Variants in MAP2K5 observed in about 807,000 individuals in gnomAD.
MAP2K5 encodes the protein dual specificity mitogen-activated protein kinase kinase 5.
In MAP2K5, 49 loss-of-function variants were observed where a neutral mutation model predicts 83.1. The observed-to-expected ratio is 0.59, with a 90% CI of 0.47 to 0.75. MAP2K5 has a LOEUF of 0.75. MAP2K5 is among the 30% of genes least tolerant of loss of function. The probability of loss-of-function intolerance (pLI) is 0.00; values close to 1 mark genes in which losing one functional copy is unlikely to be tolerated. For synonymous variants in MAP2K5, 202 were observed against 191.8 expected, an observed-to-expected ratio of 1.05 and a Z score of -0.44; for missense variants, 457 against 557.5, an observed-to-expected ratio of 0.82 and a Z score of 1.82.
At chr15:67,682,832 C>CA (rs1247855183) in intron 13 of MAP2K5, among the ~76,000 whole-genome samples, 2 of 148,410 alleles carry the variant, frequency 1.3e-5, no homozygotes, top group African/African-American at 5.1e-5. Context: ...GACTCCATCT[C>CA]AAAAAATAAA....
At chr15:67,762,763 T>G (rs1268395286) in intron 19 of MAP2K5, among the ~76,000 whole-genome samples, 1 of 152,166 alleles carries the variant, frequency 6.6e-6, no homozygotes, top group Non-Finnish European at 1.5e-5. Flanking sequence ...CCTGTTTGTT[T>G]ATATTTTGTT....
chr15:67,605,883 C>G (rs1334364185), intron 8 of MAP2K5, among the ~76,000 whole-genome samples: 2 of 152,142 alleles, frequency 1.3e-5, no homozygotes, highest in African/African-American at 4.8e-5. Context: ...CGAGGCTGTA[C>G]AATTGTTGTA....
At position 67,749,631 on chromosome 15, in the gene MAP2K5, A is replaced by T. The variant is rs1476946171; in HGVS notation, c.1134+1030A>T. 6.6e-6 allele frequency among the ~76,000 whole-genome samples: 1 copy of T among 152,208 alleles called. No individual in the cohort carries two copies. Among genetic ancestry groups the T allele is most frequent in the East Asian group, 1.9e-4 (1 of 5,204 alleles). On this transcript the variant is annotated intron_variant, in intron 19 of 21. Transcript: ENST00000178640. The surrounding 1 kb of genome is among the most constrained non-coding windows in gnomAD (Gnocchi z 4.6). Reference sequence around the variant, plus strand: ...ATAATAGTAAGAGTGGGGCTCTAACATCCTTAATGGTTGCATCAGTCAGTC... The same window carrying T: ...ATAATAGTAAGAGTGGGGCTCTAACTTCCTTAATGGTTGCATCAGTCAGTC...
At chr15:67,659,274 G>A (rs4776958) in intron 12 of MAP2K5, 155,799 of 156,978 alleles carry the variant, frequency 0.99, 77,332 homozygotes, top group Middle Eastern at 1. Context: ...GGGGTGGTGT[G>A]ATAGTAAACA....
chr15:67,657,872 T>C (rs763557248), intron 11 of MAP2K5, among the ~76,000 whole-genome samples: 1 of 152,090 alleles, frequency 6.6e-6, no homozygotes, highest in Non-Finnish European at 1.5e-5. Flanking sequence ...ATATTCACAT[T>C]TGCATTTCGG....
intron 8 of MAP2K5, among the ~76,000 whole-genome samples, chr15:67,616,398 G>T (rs974017102): frequency 1.6e-4 from 25 of 151,636 alleles, no homozygotes; most frequent in African/African-American, 5.4e-4. Context: ...GTCTTGTCTC[G>T]ATCAAACTTT....
chr15:67,560,307 G>T (rs11632776), intron 2 of MAP2K5, among the ~76,000 whole-genome samples: 1 of 152,008 alleles, frequency 6.6e-6, no homozygotes, highest in African/African-American at 2.4e-5. Flanking sequence ...CTTCTCATGG[G>T]TATGGTTACT....
rs548244479 is a variant in MAP2K5, at chr15:67,679,980, T to A, written c.848-12499T>A. 5 of 152,344 alleles carry A rather than the reference T, an allele frequency of 3.3e-5. No individual in the cohort carries two copies. In the East Asian group the frequency reaches 9.6e-4, roughly 29 times the overall value. The allele number at this position is 152,344 out of a possible 1,614,324, so 9.4% of individuals were successfully genotyped here. On this transcript the variant is annotated intron_variant, in intron 13 of 21. Transcript: ENST00000178640. ...CTCATGTTCATTGGCAATCACTCCC[T>A]GCTCCTGTCCTCAGCCCCAGGGAAC...
In MAP2K5 at chr15:67,757,170, A is replaced by G. The variant is rs536808380; in HGVS notation, c.1134+8569A>G. 3.9e-5 allele frequency among the ~76,000 whole-genome samples: 6 copies of G among 152,268 alleles called. No individual in the cohort carries two copies. Among genetic ancestry groups the G allele is most frequent in the African/African-American group, 9.6e-5 (4 of 41,548 alleles). ...CAATTTACATTCCCATGAACAGTGT[A>G]TAAGGGTTCCCTTTTCTCCACATCC... On this transcript the variant is annotated intron_variant, in intron 19 of 21. Transcript: ENST00000178640. The surrounding 1 kb of genome is among the most constrained non-coding windows in gnomAD (Gnocchi z 4.9).
At chr15:67,571,901 T>C (rs1422980830) in intron 3 of MAP2K5, among the ~76,000 whole-genome samples, 1 of 152,068 alleles carries the variant, frequency 6.6e-6, no homozygotes, top group Non-Finnish European at 1.5e-5. Context: ...GTGGTGGGGG[T>C]GCAGTGAGCG....
chr15:67,702,381 C>T lies in MAP2K5; in HGVS notation c.973-956C>T, dbSNP rs938860409. Among the ~76,000 whole-genome samples the T allele has an allele frequency of 2.0e-5, 3 of 152,126 alleles. No individual in the cohort carries two copies. Among genetic ancestry groups the T allele is most frequent in the African/African-American group, 4.8e-5 (2 of 41,422 alleles). On this transcript the variant is annotated intron_variant, in intron 15 of 21. Transcript: ENST00000178640. The surrounding 1 kb of genome is among the most constrained non-coding windows in gnomAD (Gnocchi z 4.6). ...GTGACAATAATGTTATTCCTGTAGC[C>T]GGCTAGCCAGTTCCATATGAATACA...
At chr15:67,632,391 C>T (rs939909801) in intron 9 of MAP2K5, among the ~76,000 whole-genome samples, 13 of 152,290 alleles carry the variant, frequency 8.5e-5, no homozygotes, top group African/African-American at 2.6e-4. Flanking sequence ...TGAGCCACCA[C>T]GCCCAGCTAT....
Position 67,778,218 on chromosome 15 carries a change from T to C in MAP2K5, c.1242+5466T>C, listed in dbSNP as rs1344772890. ...CTAAATTAAATTGTCACTGGTAGCT[T>C]TTCTGCTTTTCCAAACCTGATTGTA... On this transcript the variant is annotated intron_variant, in intron 21 of 21. Transcript: ENST00000178640. The surrounding 1 kb of genome is among the most constrained non-coding windows in gnomAD (Gnocchi z 5.0). Among the ~76,000 whole-genome samples, 1 of 152,224 alleles carries C rather than the reference T, an allele frequency of 6.6e-6. No individual in the cohort carries two copies.
In MAP2K5 at chr15:67,690,026, A is replaced by AT. The variant is rs1165453511; in HGVS notation, c.848-2445dup. 4.6e-5 allele frequency among the ~76,000 whole-genome samples: 7 copies of AT among 152,102 alleles called. No homozygotes were observed. Among genetic ancestry groups the AT allele is most frequent in the South Asian group, 4.2e-4 (2 of 4,812 alleles). On this transcript the variant is annotated intron_variant, in intron 13 of 21. Transcript: ENST00000178640. The surrounding 1 kb of genome is among the most constrained non-coding windows in gnomAD (Gnocchi z 4.3). ...ATTATGGGATTTTTGTGTGTGTGCC[A>AT]TTTTTTTTAAATCTCTTCAGCTATT... is the stretch of plus-strand genomic sequence containing the variant.
At chr15:67,623,026 C>T (rs556927328) in intron 8 of MAP2K5, among the ~76,000 whole-genome samples, 8 of 152,222 alleles carry the variant, frequency 5.3e-5, no homozygotes, top group Non-Finnish European at 1.0e-4. Flanking sequence ...GGCGTGAACC[C>T]GGGATTTGGA....
chr15:67,681,897 A>G (rs2087827010), intron 13 of MAP2K5, among the ~76,000 whole-genome samples: 1 of 152,204 alleles, frequency 6.6e-6, no homozygotes, highest in South Asian at 2.1e-4. Context: ...AACCCTAATA[A>G]TTAATGCCCT....
chr15:67,586,091 G>A (rs1291378970), intron 5 of MAP2K5, among the ~76,000 whole-genome samples, 161 bp downstream of exon 5: 2 of 152,076 alleles, frequency 1.3e-5, no homozygotes, highest in African/African-American at 2.4e-5. Flanking sequence ...TGTAGTATTT[G>A]CTCAGTATGT....
chr15:67,603,890 C>T (rs961925744), intron 8 of MAP2K5, among the ~76,000 whole-genome samples: 1 of 152,172 alleles, frequency 6.6e-6, no homozygotes, highest in African/African-American at 2.4e-5. Flanking sequence ...AAAATCCACT[C>T]ATTGGTAACA....
chr15:67,666,761 C>T (rs564465992), intron 13 of MAP2K5, among the ~76,000 whole-genome samples: 4 of 152,100 alleles, frequency 2.6e-5, no homozygotes, highest in African/African-American at 9.7e-5. Context: ...TAAAATGCCA[C>T]CTGTTGTGAG....
Sources: gnomAD v4.1 joint callset for allele counts (sites outside exome capture counted in the v4.1 genomes callset) on GRCh38, gnomAD v4.1.1 for gene constraint, Gnocchi (gnomAD v3.1) non-coding constraint, MANE v1.5 for transcripts, NCBI Gene and HGNC (gene_info 2026-07-23, HGNC 2026-07-21) for gene names.